CCNQ: variants seen among roughly 807,000 people sequenced by gnomAD.
The protein encoded by CCNQ is cyclin-Q.
In CCNQ, 3 loss-of-function variants were observed where a neutral mutation model predicts 17.7. That is an observed-to-expected ratio of 0.17 (90% CI 0.08 to 0.44). The LOEUF (loss-of-function observed/expected upper bound fraction) is 0.44, where lower values mean the gene tolerates loss of function less well. CCNQ is among the 20% of genes least tolerant of loss of function. The pLI, the probability that CCNQ is intolerant of heterozygous loss-of-function variation, is 0.99. For missense variants in CCNQ, 146 were observed against 222.6 expected (o/e 0.66, Z 2.19); for synonymous variants, 73 against 96.0 (o/e 0.76, Z 1.40).
At chrX:153,596,825 G>A (rs2091031962) in intron 1 of CCNQ, among the ~76,000 whole-genome samples, 1 of 112,366 alleles carries the variant, frequency 8.9e-6, no homozygotes, top group Non-Finnish European at 1.9e-5. Flanking sequence ...CACCAGGGAA[G>A]GACACCAGCA....
intron 4 of CCNQ, 59 bp downstream of exon 4, chrX:153,592,447 A>T (rs978605089): frequency 2.8e-6 from 3 of 1,087,553 alleles, no homozygotes; most frequent in Non-Finnish European, 3.8e-6. Flanking sequence ...TGAGCACTGC[A>T]ATACAGAGAC....
chrX:153,593,063 A>G (rs1193800174), intron 3 of CCNQ, among the ~76,000 whole-genome samples: 1 of 112,233 alleles, frequency 8.9e-6, no homozygotes, highest in African/African-American at 3.2e-5. Flanking sequence ...TCTGGCCACC[A>G]TGAAATTCCT....
At chrX:153,598,095 C>T (rs782485154) in intron 1 of CCNQ, among the ~76,000 whole-genome samples, 1 of 111,126 alleles carries the variant, frequency 9.0e-6, no homozygotes, top group African/African-American at 3.3e-5. Context: ...AATAACTACC[C>T]GCCAACTAAC....
In CCNQ at chrX:153,599,115, C is replaced by T. The variant is rs1341984901; in HGVS notation, c.-42G>A. On this transcript the variant is annotated 5_prime_UTR_variant, in exon 1 of 5. Transcript: ENST00000576892. ...GGCGGAAGGAGAGGCGGCCCCGGCGCGCAGAAGCCGGCAGAACTGGAGGTG... is the reference window on the plus strand; with the variant it reads ...GGCGGAAGGAGAGGCGGCCCCGGCGTGCAGAAGCCGGCAGAACTGGAGGTG... 4 of 754,032 alleles carry T rather than the reference C, an allele frequency of 5.3e-6. No individual in the cohort carries two copies. The highest frequency in any genetic ancestry group is 6.7e-6 in the Non-Finnish European group (4 of 601,015). 62.1% of individuals were successfully genotyped at this position (754,032 alleles called of 1,213,427 possible). A position where few individuals can be genotyped will look rare whatever the true frequency, so the allele number is the denominator to read the frequency against.
At chrX:153,590,231 T>TAAAAAAAAAAAAAAAAAAAAAAAAAAAA (rs59053078) in intron 4 of CCNQ, among the ~76,000 whole-genome samples, 1 of 26,456 alleles carries the variant, frequency 3.8e-5, no homozygotes, top group African/African-American at 1.7e-4. Context: ...CTGTCTCTAT[T>TAAAAAAAAAAAAAAAAAAAAAAAAAAAA]AAAAAAAAAA....
At chrX:153,595,825 G>C (rs2091023827) in intron 2 of CCNQ, among the ~76,000 whole-genome samples, 179 bp downstream of exon 2, 1 of 112,560 alleles carries the variant, frequency 8.9e-6, no homozygotes, top group African/African-American at 3.2e-5. Flanking sequence ...ACTGGCCTCT[G>C]ACATCAGGCT....
At chrX:153,594,005 C>T (rs1316133853) in intron 3 of CCNQ, among the ~76,000 whole-genome samples, 1 of 113,196 alleles carries the variant, frequency 8.8e-6, no homozygotes, top group African/African-American at 3.2e-5. Flanking sequence ...GTGTGCCAGT[C>T]GCCTAAGCGT....
chrX:153,588,109 G>T lies in CCNQ; in HGVS notation c.*256C>A, dbSNP rs994283167. ...CTCTCAAAGGACAAACGCAGATGTG[G>T]CTGCCTTGGGTCAGCTGCACACAGT... On this transcript the variant is annotated 3_prime_UTR_variant, in exon 5 of 5. Coordinates refer to ENST00000576892, the MANE Select transcript of CCNQ (RefSeq NM_152274.5). The T allele has an allele frequency of 1.4e-4, 66 of 480,542 alleles. 1 individual carries two copies. The highest frequency in any genetic ancestry group is 3.9e-4 in the Middle Eastern group (1 of 2,570). The allele number at this position is 480,542 out of a possible 1,213,427, so 39.6% of individuals were successfully genotyped here. A position where few individuals can be genotyped will look rare whatever the true frequency, so the allele number is the denominator to read the frequency against.
In CCNQ at chrX:153,599,105, G is replaced by T; in HGVS notation, c.-32C>A. 2.4e-6 allele frequency: 2 copies of T among 823,652 alleles called. No homozygotes were observed. The highest frequency in any genetic ancestry group is 3.1e-6 in the Non-Finnish European group (2 of 653,553). The allele number at this position is 823,652 out of a possible 1,213,427, so 67.9% of individuals were successfully genotyped here. On this transcript the variant is annotated 5_prime_UTR_variant, in exon 1 of 5. Coordinates refer to ENST00000576892, the MANE Select transcript of CCNQ (RefSeq NM_152274.5). ...CCGCGGCACCGGCGGAAGGAGAGGCGGCCCCGGCGCGCAGAAGCCGGCAGA... is the reference window on the plus strand; with the variant it reads ...CCGCGGCACCGGCGGAAGGAGAGGCTGCCCCGGCGCGCAGAAGCCGGCAGA...
At chrX:153,598,032 TG>T (rs1214320758) in intron 1 of CCNQ, among the ~76,000 whole-genome samples, 1 of 111,268 alleles carries the variant, frequency 9.0e-6, no homozygotes, top group African/African-American at 3.3e-5. Flanking sequence ...CCGCCCACCT[TG>T]GGTAGAAAGC....
intron 1 of CCNQ, among the ~76,000 whole-genome samples, chrX:153,598,309 G>A (rs1254751317): frequency 9.0e-6 from 1 of 111,323 alleles, no homozygotes; most frequent in East Asian, 2.8e-4. Flanking sequence ...CCAGCTACTC[G>A]GAAGCGTGAG....
chrX:153,594,679 C>G lies in CCNQ; in HGVS notation c.297G>C (p.Arg99Ser), dbSNP rs1557026614. 1.7e-6 allele frequency: 2 copies of G among 1,211,651 alleles called. No homozygotes were observed. The highest frequency in any genetic ancestry group is 3.5e-5 in the African/African-American group (2 of 57,873). ...GGGGCTCACCGCTTGGGTTAAAGTA[C>G]CTGCGCAGAGAAATGGCAATGCTTC... is the stretch of plus-strand genomic sequence containing the variant. ...RTRDIINVSN[R>S]YFNPSGEPLE... Residue 99 changes from arginine (R) to serine (S), a missense_variant and splice_region_variant, in exon 3 of 5, where the codon AGG becomes AGC. By Grantham distance (110) the Arg-to-Ser change is moderately radical. Transcript: ENST00000576892.
At chrX:153,595,935 C>A in intron 2 of CCNQ, 69 bp downstream of exon 2, 1 of 1,150,731 alleles carries the variant, frequency 8.7e-7, no homozygotes, top group Non-Finnish European at 1.2e-6. Context: ...TGGGCAGGGC[C>A]CCATAGGAGC....
intron 1 of CCNQ, among the ~76,000 whole-genome samples, chrX:153,598,044 A>T (rs782344195): frequency 2.7e-5 from 3 of 111,401 alleles, no homozygotes; most frequent in Admixed American, 9.6e-5. Flanking sequence ...GGTAGAAAGC[A>T]CATCTGCCCA....
At position 153,589,934 on chromosome X, in the gene CCNQ, A is replaced by C. The variant is rs1315386410; in HGVS notation, c.658-1480T>G. ...CCCCAAGCTCAGAAGCAATCATTAA[A>C]AAACATTCAGGGGCTGGGCATAGTG... On this transcript the variant is annotated intron_variant, in intron 4 of 4. Transcript: ENST00000576892. 2.7e-5 allele frequency among the ~76,000 whole-genome samples: 3 copies of C among 111,576 alleles called. No individual in the cohort carries two copies. In the Admixed American group the frequency reaches 2.9e-4, roughly 11 times the overall value.
chrX:153,588,922 G>A (rs1234338049), intron 4 of CCNQ, among the ~76,000 whole-genome samples: 3 of 113,013 alleles, frequency 2.7e-5, no homozygotes, highest in Admixed American at 9.3e-5. Flanking sequence ...AGTCCGGACC[G>A]CCACGTGCAG....
chrX:153,594,193 TG>T (rs1419246224), intron 3 of CCNQ, among the ~76,000 whole-genome samples: 5 of 112,738 alleles, frequency 4.4e-5, no homozygotes, highest in African/African-American at 1.6e-4. Context: ...ACGGGGACTC[TG>T]GCCGGTCACA....
chrX:153,596,247 G>A lies in CCNQ; in HGVS notation c.113-60C>T, dbSNP rs2091027872. 2.6e-6 allele frequency: 3 copies of A among 1,141,123 alleles called. No homozygotes were observed. In the Admixed American group the frequency reaches 6.6e-5, roughly 25 times the overall value. The allele number at this position is 1,141,123 out of a possible 1,213,427, so 94.0% of individuals were successfully genotyped here. A position where few individuals can be genotyped will look rare whatever the true frequency, so the allele number is the denominator to read the frequency against. On this transcript the variant is annotated intron_variant, in intron 1 of 4. Transcript: ENST00000576892. The stretch of plus-strand genomic sequence containing the variant: ...TCCAGCGCTGGCTCACTGCTCCAGT[G>A]AGGGGAGCCATTGGAATGGGCCCTA...
At chrX:153,596,258 T>C (rs1228874278) in intron 1 of CCNQ, 71 bp from the exon 2 acceptor site, 2 of 1,085,020 alleles carry the variant, frequency 1.8e-6, no homozygotes, top group East Asian at 3.0e-5. Flanking sequence ...AGGGGAGCCA[T>C]TGGAATGGGC....
Sources: gnomAD v4.1 joint callset for allele counts (sites outside exome capture counted in the v4.1 genomes callset) on GRCh38, gnomAD v4.1.1 for gene constraint, MANE v1.5 for transcripts, NCBI Gene and HGNC (gene_info 2026-07-23, HGNC 2026-07-21) for gene names.